The following WDFY4 variants were observed in gnomAD, a reference collection of about 807,000 sequenced individuals.
WDFY4 encodes the protein WDFY family member 4.
Under a neutral mutation model 351.9 loss-of-function variants are expected in WDFY4, and 169 were observed. That is an observed-to-expected ratio of 0.48 (90% CI 0.42 to 0.55). The LOEUF (loss-of-function observed/expected upper bound fraction) is 0.55, where lower values mean the gene tolerates loss of function less well. Among genes scored for constraint, WDFY4 ranks in the 20% least tolerant of loss-of-function variants. WDFY4 has a pLI of 0.00. For missense variants in WDFY4, 3,803 were observed against 3,935.6 expected (o/e 0.97, Z 0.90); for synonymous variants, 1,622 against 1,574.6 (o/e 1.03, Z -0.71).
rs191550753 is a variant in WDFY4, at chr10:48,913,996, C to G, written c.7586+12133C>G. On this transcript the variant is annotated intron_variant, in intron 47 of 61. Transcript: ENST00000325239. ...ATAAGATTCCGGCTAAGGTCCAGCT[C>G]GTCCATGTCACTAAGGCGCAGAATA... The G allele has an allele frequency of 1.9e-5, 31 of 1,613,998 alleles. No homozygotes were observed. In the Admixed American group the frequency reaches 4.0e-4, roughly 21 times the overall value.
chr10:48,890,366 G>A (rs2070641700), intron 43 of WDFY4, among the ~76,000 whole-genome samples: 1 of 151,336 alleles, frequency 6.6e-6, no homozygotes, highest in Admixed American at 6.6e-5. Context: ...GTAGGCTTGA[G>A]TAGATCAGAC....
chr10:48,914,519 C>G (rs1301602905), intron 47 of WDFY4, among the ~76,000 whole-genome samples: 2 of 152,208 alleles, frequency 1.3e-5, no homozygotes, highest in Non-Finnish European at 2.9e-5. Context: ...TCTCCACTGT[C>G]CCAGACTGTC....
intron 57 of WDFY4, 121 bp from the exon 58 acceptor site, chr10:48,974,741 A>T: frequency 9.6e-7 from 1 of 1,044,680 alleles, no homozygotes; most frequent in Non-Finnish European, 1.4e-6. Flanking sequence ...CTTGGGAATC[A>T]CTGACTCACT....
intron 11 of WDFY4, among the ~76,000 whole-genome samples, chr10:48,741,451 TCAAAA>T (rs1565149888): frequency 6.9e-5 from 1 of 14,570 alleles, no homozygotes; most frequent in African/African-American, 2.0e-4. Flanking sequence ...AGACTCCGTC[TCAAAA>T]AAAAAAAAAA....
chr10:48,914,834 C>T (rs1838359297), intron 47 of WDFY4, among the ~76,000 whole-genome samples: 1 of 152,172 alleles, frequency 6.6e-6, no homozygotes, highest in Non-Finnish European at 1.5e-5. Context: ...TTGCTGGGCC[C>T]AGCAGCACCA....
rs180681271 is a variant in WDFY4 at position 48,820,112 on chromosome 10, G to C, written c.5506-122G>C. 1.7e-4 allele frequency: 194 copies of C among 1,124,216 alleles called. 1 individual carries two copies. The East Asian group carries it at 4.7e-3, about 27-fold the overall frequency. The allele number at this position is 1,124,216 out of a possible 1,614,324, so 69.6% of individuals were successfully genotyped here. On this transcript the variant is annotated intron_variant, in intron 32 of 61. Transcript: ENST00000325239. The stretch of plus-strand genomic sequence containing the variant: ...TGGGCAAGTTGCTTTCCTGTGCGGA[G>C]CCTCAATTTCCGTACATGTCACTGG...
At chr10:48,982,470 G>T (rs1384839960) in intron 61 of WDFY4, 39 bp from the exon 62 acceptor site, 1 of 1,467,262 alleles carries the variant, frequency 6.8e-7, no homozygotes, top group Admixed American at 2.4e-5. Flanking sequence ...AAGTGGTACT[G>T]TCCCTCTAAC....
At chr10:48,787,050 T>C (rs2066426857) in intron 20 of WDFY4, among the ~76,000 whole-genome samples, 180 bp downstream of exon 20, 1 of 152,174 alleles carries the variant, frequency 6.6e-6, no homozygotes, top group Non-Finnish European at 1.5e-5. Flanking sequence ...GAAAAGGAAA[T>C]GACAATATCT....
Position 48,941,671 on chromosome 10 carries a change from T to C in WDFY4, c.7587-135T>C, listed in dbSNP as rs1028269358. ...GTCTCCCTGTGCTGTCCGCTGAGAG[T>C]TGCTCTGGGATTTGGGAAGTCTGCA... On this transcript the variant is annotated intron_variant, in intron 47 of 61. Transcript: ENST00000325239. 7.2e-6 allele frequency: 6 copies of C among 839,118 alleles called. No individual in the cohort carries two copies. In the African/African-American group the frequency reaches 8.5e-5, roughly 12 times the overall value. 52.0% of individuals were successfully genotyped at this position (839,118 alleles called of 1,614,324 possible).
rs1015309272 is a variant in WDFY4 at position 48,982,783 on chromosome 10, C to T, written c.*208C>T. 9 of 603,550 alleles carry T rather than the reference C, an allele frequency of 1.5e-5. No homozygotes were observed. The highest frequency in any genetic ancestry group is 2.5e-5 in the Non-Finnish European group (8 of 314,050). The allele number at this position is 603,550 out of a possible 1,614,324, so 37.4% of individuals were successfully genotyped here. A position where few individuals can be genotyped will look rare whatever the true frequency, so the allele number is the denominator to read the frequency against. ...TATGAAAAGGATGAGCACACACACT[C>T]GGAGGGCTGAGCAGCACGCTGGAAA... On this transcript the variant is annotated 3_prime_UTR_variant, in exon 62 of 62. Coordinates refer to ENST00000325239, the MANE Select transcript of WDFY4 (RefSeq NM_001394531.1).
intron 39 of WDFY4, among the ~76,000 whole-genome samples, chr10:48,843,127 G>T (rs1360499657): frequency 6.6e-6 from 1 of 152,206 alleles, no homozygotes; most frequent in Non-Finnish European, 1.5e-5. Flanking sequence ...AGTCCTTAGG[G>T]ACAGATACTC....
intron 13 of WDFY4, among the ~76,000 whole-genome samples, chr10:48,763,917 T>A (rs1015990508): frequency 6.6e-6 from 1 of 152,120 alleles, no homozygotes; most frequent in Non-Finnish European, 1.5e-5. Flanking sequence ...GTGAATCAAA[T>A]GAGAAATGAG....
intron 23 of WDFY4, among the ~76,000 whole-genome samples, chr10:48,794,908 G>A (rs1196462907): frequency 6.6e-6 from 1 of 152,196 alleles, no homozygotes; most frequent in African/African-American, 2.4e-5. Flanking sequence ...TGGAGCCAGG[G>A]TGTGTTGATA....
chr10:48,716,809 G>C (rs776915132), intron 2 of WDFY4, among the ~76,000 whole-genome samples: 2 of 152,202 alleles, frequency 1.3e-5, no homozygotes, highest in African/African-American at 4.8e-5. Flanking sequence ...GTCAGTGCAG[G>C]GAGGAGTTGC....
At chr10:48,901,762 G>T (rs1837364021) in intron 46 of WDFY4, 39 bp from the exon 47 acceptor site, 1 of 1,545,918 alleles carries the variant, frequency 6.5e-7, no homozygotes, top group Admixed American at 2.0e-5. Flanking sequence ...AAAGGGTCTT[G>T]ACTCTGCTGA....
At chr10:48,797,604 C>CACTT (rs74312664) in intron 24 of WDFY4, among the ~76,000 whole-genome samples, 26,179 of 151,974 alleles carry the variant, frequency 0.17, 3,414 homozygotes, top group African/African-American at 0.36. Flanking sequence ...TCATTACAAA[C>CACTT]ACAAGCACTG....
At position 48,982,517 on chromosome 10, in the gene WDFY4, C is replaced by G; in HGVS notation, c.9497C>G (p.Thr3166Ser). The change falls in exon 62 of 62, where the codon ACC becomes AGC. Residue 3166 changes from threonine (T) to serine (S), a missense_variant. Thr to Ser is a moderately conservative substitution (Grantham distance 58). Coordinates refer to ENST00000325239, the MANE Select transcript of WDFY4 (RefSeq NM_001394531.1). ...VTALAVSRNH[T>S]KLLVGDERGR... ...TTCTTTCTCTTCCCAAGAAACCACACCAAACTCCTGGTTGGTGATGAGAGG... is the reference window on the plus strand; with the variant it reads ...TTCTTTCTCTTCCCAAGAAACCACAGCAAACTCCTGGTTGGTGATGAGAGG... 6.6e-7 allele frequency: 1 copy of G among 1,519,766 alleles called. No homozygotes were observed. The highest frequency in any genetic ancestry group is 8.9e-7 in the Non-Finnish European group (1 of 1,128,736). 94.1% of individuals were successfully genotyped at this position (1,519,766 alleles called of 1,614,324 possible).
chr10:48,930,963 G>A (rs936972040), intron 47 of WDFY4, among the ~76,000 whole-genome samples: 1 of 152,022 alleles, frequency 6.6e-6, no homozygotes, highest in Admixed American at 6.5e-5. Context: ...CTCTCTGAAG[G>A]GACGGTACTG....
At chr10:48,911,950 A>T (rs1241704208) in intron 47 of WDFY4, among the ~76,000 whole-genome samples, 4 of 152,230 alleles carry the variant, frequency 2.6e-5, no homozygotes, top group African/African-American at 9.6e-5. Flanking sequence ...GCTGTGGTTG[A>T]CAATGTGAGG....
Sources: allele counts gnomAD v4.1 joint callset (sites outside exome capture counted in the v4.1 genomes callset), GRCh38; gene constraint gnomAD v4.1.1; transcripts MANE v1.5; gene names NCBI Gene and HGNC (gene_info 2026-07-23, HGNC 2026-07-21).